WDFY1: variants seen among roughly 807,000 people sequenced by gnomAD.
WDFY1 encodes the protein WD repeat and FYVE domain containing 1.
In WDFY1, 32 loss-of-function variants were observed where a neutral mutation model predicts 56.4. That is an observed-to-expected ratio of 0.57 (90% confidence interval 0.43 to 0.76). The LOEUF (loss-of-function observed/expected upper bound fraction) is 0.76. WDFY1 is among the 30% of genes least tolerant of loss of function. The probability of loss-of-function intolerance (pLI) is 0.00; values close to 1 mark genes in which losing one functional copy is unlikely to be tolerated. For synonymous variants in WDFY1, 192 were observed against 197.3 expected, an observed-to-expected ratio of 0.97 and a Z score of 0.23; for missense variants, 480 against 545.7, an observed-to-expected ratio of 0.88 and a Z score of 1.20.
At chr2:223,906,465 A>C (rs1693599681) in intron 3 of WDFY1, among the ~76,000 whole-genome samples, 1 of 152,146 alleles carries the variant, frequency 6.6e-6, no homozygotes, top group South Asian at 2.1e-4. Flanking sequence ...TACAAACACA[A>C]CAACAACAAA....
intron 1 of WDFY1, among the ~76,000 whole-genome samples, chr2:223,935,640 A>T (rs753238905): frequency 6.6e-6 from 1 of 152,238 alleles, no homozygotes; most frequent in Non-Finnish European, 1.5e-5. Flanking sequence ...GTATCATTCA[A>T]CCAGTAGCTA....
At chr2:223,900,596 C>A (rs1053184107) in intron 5 of WDFY1, among the ~76,000 whole-genome samples, 8 of 151,988 alleles carry the variant, frequency 5.3e-5, no homozygotes, top group Non-Finnish European at 1.0e-4. Context: ...GGATCCTGAG[C>A]CATCTTTGAG....
At chr2:223,917,577 AC>A (rs1230164151) in intron 2 of WDFY1, among the ~76,000 whole-genome samples, 1 of 151,738 alleles carries the variant, frequency 6.6e-6, no homozygotes, top group Non-Finnish European at 1.5e-5. Context: ...TTTGAAACTT[AC>A]TTATTTTTTT....
At chr2:223,906,797 G>C (rs1693603504) in intron 3 of WDFY1, among the ~76,000 whole-genome samples, 1 of 151,940 alleles carries the variant, frequency 6.6e-6, no homozygotes, top group Admixed American at 6.6e-5. Flanking sequence ...TGGGATTACA[G>C]GCGTGAGCCA....
At chr2:223,939,531 G>A (rs1689260996) in intron 1 of WDFY1, among the ~76,000 whole-genome samples, 1 of 152,208 alleles carries the variant, frequency 6.6e-6, no homozygotes, top group Non-Finnish European at 1.5e-5. Context: ...TGGACTCACA[G>A]TTCCATGTGG....
At chr2:223,921,862 G>C (rs894669065) in intron 1 of WDFY1, among the ~76,000 whole-genome samples, 1 of 152,108 alleles carries the variant, frequency 6.6e-6, no homozygotes, top group African/African-American at 2.4e-5. Context: ...CATCCTCAGC[G>C]TGACTACCAC....
rs1011391348 is a variant in WDFY1, at chr2:223,917,998, T to C, written c.150A>G (p.Val50=). The change falls in exon 2 of 12, where the codon GTA becomes GTG. Residue 50 remains valine, a synonymous_variant. Transcript: ENST00000233055. ...ATTGACCACTGTCTCTTTTCAGCCA[T>C]ACCCGGATGGTTCTGTGGAGAAAAG... ...ITASEDRTIR[V]WLKRDSGQYW... is the part of the protein sequence containing the mutation. The C allele has an allele frequency of 4.3e-6, 7 of 1,614,150 alleles. No homozygotes were observed. The highest frequency in any genetic ancestry group is 1.3e-5 in the African/African-American group (1 of 75,044).
intron 4 of WDFY1, among the ~76,000 whole-genome samples, chr2:223,901,953 T>C (rs776984953): frequency 6.6e-6 from 1 of 152,242 alleles, no homozygotes; most frequent in African/African-American, 2.4e-5. Context: ...TTCTGTCTGT[T>C]ACCTAACTCT....
At chr2:223,944,115 G>A (rs1206787705) in intron 1 of WDFY1, among the ~76,000 whole-genome samples, 3 of 152,198 alleles carry the variant, frequency 2.0e-5, no homozygotes, top group Non-Finnish European at 4.4e-5. Flanking sequence ...TAGTAAATAA[G>A]AGTTCAGGTG....
chr2:223,918,114 C>T lies in WDFY1; in HGVS notation c.138-104G>A, dbSNP rs1048757914. ...AAATTTGTTTAACACTATTTCCTAACTGACCTTATAAAACTAACTGGACAA... is the reference window on the plus strand; with the variant it reads ...AAATTTGTTTAACACTATTTCCTAATTGACCTTATAAAACTAACTGGACAA... On this transcript the variant is annotated intron_variant, in intron 1 of 11. Transcript: ENST00000233055. 9 of 1,224,604 alleles carry T rather than the reference C, an allele frequency of 7.3e-6. No individual in the cohort carries two copies. The Admixed American group carries it at 2.1e-4, about 28-fold the overall frequency. 75.9% of individuals were successfully genotyped at this position (1,224,604 alleles called of 1,614,324 possible).
At chr2:223,904,652 C>T (rs1336905443) in intron 4 of WDFY1, among the ~76,000 whole-genome samples, 1 of 151,528 alleles carries the variant, frequency 6.6e-6, no homozygotes, top group African/African-American at 2.4e-5. Context: ...CCACATTTCA[C>T]CAAGATGAAC....
intron 5 of WDFY1, among the ~76,000 whole-genome samples, chr2:223,899,909 A>G (rs1358749757): frequency 6.6e-6 from 1 of 152,224 alleles, no homozygotes; most frequent in Non-Finnish European, 1.5e-5. Flanking sequence ...TTTGGCCTAG[A>G]GAATTTAGCT....
chr2:223,944,251 C>T (rs13410166), intron 1 of WDFY1, among the ~76,000 whole-genome samples: 65,251 of 152,048 alleles, frequency 0.43, 14,580 homozygotes, highest in Non-Finnish European at 0.5. Flanking sequence ...CCCCGGGCAC[C>T]AGGGTCCGCA....
intron 5 of WDFY1, chr2:223,900,955 TTA>T (rs1491145149): frequency 2.1e-6 from 1 of 473,798 alleles, no homozygotes; most frequent in Admixed American, 3.9e-5. Flanking sequence ...TACAGCAAAC[TTA>T]CGGAAGTTCT....
intron 1 of WDFY1, among the ~76,000 whole-genome samples, chr2:223,930,209 T>C (rs1403912888): frequency 6.6e-6 from 1 of 152,212 alleles, no homozygotes; most frequent in Non-Finnish European, 1.5e-5. Flanking sequence ...TGTATGTAAG[T>C]GCCTGTGGTG....
rs554323516 is a variant in WDFY1 at position 223,941,643 on chromosome 2, G to A, written c.137+3505C>T. Among the ~76,000 whole-genome samples, 4 of 152,088 alleles carry A rather than the reference G, an allele frequency of 2.6e-5. No individual in the cohort carries two copies. In the South Asian group the frequency reaches 8.3e-4, roughly 32 times the overall value. ...TCAGCCCTTGGGAAAGAGCAACTTA[G>A]CTGTCAGCTGTCTCTCCCCCACAGG... On this transcript the variant is annotated intron_variant, in intron 1 of 11. Coordinates refer to ENST00000233055, the MANE Select transcript of WDFY1 (RefSeq NM_020830.5).
intron 6 of WDFY1, among the ~76,000 whole-genome samples, chr2:223,896,343 T>TA (rs11431410): frequency 0.93 from 141,281 of 151,780 alleles, 65,826 homozygotes; most frequent in South Asian, 0.96. Context: ...CTACACAAGA[T>TA]AAAAAATCTA....
chr2:223,929,181 TGTTTTTTG>T (rs369877708), intron 1 of WDFY1, among the ~76,000 whole-genome samples: 1 of 34,602 alleles, frequency 2.9e-5, no homozygotes, highest in South Asian at 9.7e-4. Flanking sequence ...TTTTTCTTTC[TGTTTTTTG>T]TTTTTTTTTT....
At chr2:223,923,971 T>A (rs1574776730) in intron 1 of WDFY1, among the ~76,000 whole-genome samples, 1 of 152,230 alleles carries the variant, frequency 6.6e-6, no homozygotes, top group East Asian at 1.9e-4. Context: ...CTGCTTATTC[T>A]GCCCATTTTT....
Sources: gnomAD v4.1 joint callset for allele counts (sites outside exome capture counted in the v4.1 genomes callset) on GRCh38, gnomAD v4.1.1 for gene constraint, MANE v1.5 for transcripts, NCBI Gene and HGNC (gene_info 2026-07-23, HGNC 2026-07-21) for gene names.